Variants in RBFOX1 observed in about 807,000 individuals in gnomAD.
RBFOX1 encodes the protein RNA binding fox-1 homolog 1.
A neutral mutation model predicts 57.7 loss-of-function variants in RBFOX1; 8 were observed. That is an observed-to-expected ratio of 0.14 (90% CI 0.08 to 0.25). The LOEUF (loss-of-function observed/expected upper bound fraction) is 0.25, where lower values mean the gene tolerates loss of function less well. Ranked by LOEUF, RBFOX1 falls within the 10% of genes least tolerant of loss-of-function variation. The pLI, the probability that RBFOX1 is intolerant of heterozygous loss-of-function variation, is 1.00. For missense variants in RBFOX1, 611 were observed against 548.5 expected, an observed-to-expected ratio of 1.11 and a Z score of -1.14; for synonymous variants, 326 against 222.4, an observed-to-expected ratio of 1.47 and a Z score of -4.15.
At chr16:7,445,945 C>G (rs1288912756) in intron 4 of RBFOX1, among the ~76,000 whole-genome samples, 1 of 152,110 alleles carries the variant, frequency 6.6e-6, no homozygotes. Flanking sequence ...CCTCCTATGC[C>G]TTTTGTTTTC....
intron 2 of RBFOX1, among the ~76,000 whole-genome samples, chr16:5,504,767 G>C: frequency 6.6e-6 from 1 of 152,228 alleles, no homozygotes; most frequent in Non-Finnish European, 1.5e-5. Context: ...ACCTTCAGAG[G>C]AGGATGCGGA....
At chr16:6,841,707 C>T (rs1048330473) in intron 3 of RBFOX1, among the ~76,000 whole-genome samples, 5 of 152,060 alleles carry the variant, frequency 3.3e-5, no homozygotes, top group African/African-American at 9.7e-5. Context: ...ATTGTCAGGG[C>T]ACATGAACCC....
intron 4 of RBFOX1, among the ~76,000 whole-genome samples, chr16:7,426,658 G>T (rs1035419974): frequency 1.5e-4 from 23 of 152,282 alleles, no homozygotes; most frequent in African/African-American, 5.5e-4. Context: ...GAGGTTGTGG[G>T]TTGACACAAG....
At chr16:6,899,312 T>C (rs1392178352) in intron 3 of RBFOX1, among the ~76,000 whole-genome samples, 2 of 152,198 alleles carry the variant, frequency 1.3e-5, no homozygotes, top group African/African-American at 4.8e-5. Flanking sequence ...TGCATGTGTA[T>C]GTTTCAGGGT....
At chr16:6,638,509 T>C (rs1038540146) in intron 2 of RBFOX1, among the ~76,000 whole-genome samples, 1 of 152,198 alleles carries the variant, frequency 6.6e-6, no homozygotes, top group African/African-American at 2.4e-5. Context: ...TTCTGGCATA[T>C]TAACTTTTAC....
chr16:6,367,160 C>T (rs919743927), intron 2 of RBFOX1, among the ~76,000 whole-genome samples: 6 of 152,182 alleles, frequency 3.9e-5, no homozygotes, highest in East Asian at 1.9e-4. Context: ...AGAGCTTTGA[C>T]GTCAGCACGT....
At chr16:6,759,983 C>T (rs910893641) in intron 3 of RBFOX1, among the ~76,000 whole-genome samples, 1 of 152,098 alleles carries the variant, frequency 6.6e-6, no homozygotes, top group Non-Finnish European at 1.5e-5. Context: ...TGTGGAGTCT[C>T]TGAATATGTA....
At chr16:7,683,992 G>C (rs1400358093) in intron 14 of RBFOX1, among the ~76,000 whole-genome samples, 14 of 152,086 alleles carry the variant, frequency 9.2e-5, no homozygotes. Context: ...TCACTAGGTA[G>C]TATACTATGG....
chr16:6,173,800 G>A (rs1048181241), intron 1 of RBFOX1, among the ~76,000 whole-genome samples: 6 of 151,862 alleles, frequency 4.0e-5, no homozygotes, highest in Admixed American at 2.0e-4. Context: ...AGTAGAGATG[G>A]GTTTTTGCCA....
At chr16:5,277,826 G>A (rs543072434) in intron 1 of RBFOX1, among the ~76,000 whole-genome samples, 2 of 152,148 alleles carry the variant, frequency 1.3e-5, no homozygotes, top group Non-Finnish European at 2.9e-5. Flanking sequence ...AAAATGACAG[G>A]ATTTCATTCT....
At chr16:6,434,209 G>C (rs543778726) in intron 2 of RBFOX1, among the ~76,000 whole-genome samples, 1 of 152,246 alleles carries the variant, frequency 6.6e-6, no homozygotes, top group East Asian at 1.9e-4. Context: ...AATCTCCCCA[G>C]CTCAATATCC....
At chr16:7,570,526 A>G (rs1026465006) in intron 5 of RBFOX1, among the ~76,000 whole-genome samples, 4 of 152,210 alleles carry the variant, frequency 2.6e-5, no homozygotes, top group East Asian at 1.9e-4. Context: ...CAACCCTGAG[A>G]TAGAAGTCAT....
At chr16:5,398,356 C>A (rs1368295532) in intron 1 of RBFOX1, among the ~76,000 whole-genome samples, 1 of 151,126 alleles carries the variant, frequency 6.6e-6, no homozygotes, top group Non-Finnish European at 1.5e-5. Context: ...TGTTTGAGCA[C>A]CTGTTTTAGT....
intron 4 of RBFOX1, among the ~76,000 whole-genome samples, chr16:7,177,746 G>T (rs2081963256): frequency 6.6e-6 from 1 of 152,150 alleles, no homozygotes; most frequent in South Asian, 2.1e-4. Flanking sequence ...AGATTTTGCA[G>T]GTCTTTTGGT....
At chr16:6,275,400 G>T (rs549397609) in intron 1 of RBFOX1, among the ~76,000 whole-genome samples, 1 of 152,278 alleles carries the variant, frequency 6.6e-6, no homozygotes, top group Non-Finnish European at 1.5e-5. Flanking sequence ...ACAACTGGTG[G>T]TATTTCTGCA....
intron 1 of RBFOX1, among the ~76,000 whole-genome samples, chr16:5,460,265 C>A (rs1050420613): frequency 6.6e-6 from 1 of 152,160 alleles, no homozygotes; most frequent in Admixed American, 6.5e-5. Context: ...AACCCTCAGA[C>A]CTTTACTTCT....
intron 2 of RBFOX1, among the ~76,000 whole-genome samples, chr16:6,547,821 C>G (rs777113928): frequency 1.3e-5 from 2 of 151,664 alleles, no homozygotes; most frequent in African/African-American, 4.9e-5. Context: ...GCATCTAAAC[C>G]TTGGCCTTCA....
At chr16:6,441,481 A>T (rs1236994484) in intron 2 of RBFOX1, among the ~76,000 whole-genome samples, 1 of 151,698 alleles carries the variant, frequency 6.6e-6, no homozygotes, top group African/African-American at 2.4e-5. Flanking sequence ...CAGTGGGGCA[A>T]TCTCGGCCCA....
chr16:5,972,370 A>C (rs1480478826), intron 4 of RBFOX1, among the ~76,000 whole-genome samples: 2 of 152,226 alleles, frequency 1.3e-5, no homozygotes, highest in Non-Finnish European at 2.9e-5. Flanking sequence ...ACTGACCATC[A>C]ATAGTGCATG....
Sources: gnomAD v4.1 joint callset for allele counts (sites outside exome capture counted in the v4.1 genomes callset) on GRCh38, gnomAD v4.1.1 for gene constraint, MANE v1.5 for transcripts, NCBI Gene and HGNC (gene_info 2026-07-23, HGNC 2026-07-21) for gene names.